The following SMC3 variants were observed in gnomAD, a reference collection of about 807,000 sequenced individuals.
SMC3 encodes the protein structural maintenance of chromosomes protein 3.
Under a neutral mutation model 171.8 loss-of-function variants are expected in SMC3, and 20 were observed. The observed-to-expected ratio is 0.12, with a 90% CI of 0.08 to 0.17. The LOEUF (loss-of-function observed/expected upper bound fraction) is 0.17, where lower values mean the gene tolerates loss of function less well. SMC3 is among the 10% of genes least tolerant of loss of function. The pLI is 1.00. For missense variants in SMC3, 543 were observed against 1,420.4 expected, an observed-to-expected ratio of 0.38 and a Z score of 9.93; for synonymous variants, 464 against 451.1, an observed-to-expected ratio of 1.03 and a Z score of -0.36.
chr10:110,576,800 T>C (rs1174747957), intron 4 of SMC3, among the ~76,000 whole-genome samples: 1 of 152,348 alleles, frequency 6.6e-6, no homozygotes, highest in South Asian at 2.1e-4. Flanking sequence ...TTCTATAATC[T>C]GGAAGGTATC....
At chr10:110,597,777 A>AG (rs1251903182) in intron 19 of SMC3, among the ~76,000 whole-genome samples, 1 of 152,250 alleles carries the variant, frequency 6.6e-6, no homozygotes, top group African/African-American at 2.4e-5. Context: ...CCCTTAACAT[A>AG]GTGCCTTAAG....
At chr10:110,572,693 C>G (rs1454009402) in intron 2 of SMC3, among the ~76,000 whole-genome samples, 1 of 152,114 alleles carries the variant, frequency 6.6e-6, no homozygotes, top group Non-Finnish European at 1.5e-5. Flanking sequence ...ATCTTGTGCT[C>G]CTTTTCAAAC....
At chr10:110,602,713 A>G (rs1447959947) in intron 26 of SMC3, 48 bp downstream of exon 26, 5 of 1,573,626 alleles carry the variant, frequency 3.2e-6, no homozygotes, top group Non-Finnish European at 4.4e-6. Context: ...ACCATAATAG[A>G]ATTTATAGTA....
chr10:110,577,977 T>C (rs1042017386), intron 6 of SMC3, 63 bp downstream of exon 6: 4 of 1,143,330 alleles, frequency 3.5e-6, no homozygotes, highest in East Asian at 4.7e-5. Flanking sequence ...GGGGTATTGC[T>C]GTGTTGGCCA....
chr10:110,567,856 C>A (rs781516667), intron 1 of SMC3, 25 bp downstream of exon 1: 1 of 1,613,140 alleles, frequency 6.2e-7, no homozygotes, highest in Non-Finnish European at 8.5e-7. Context: ...TCCCTCCACC[C>A]CGTCATGGGC....
At chr10:110,575,002 T>A (rs1860926127) in intron 3 of SMC3, among the ~76,000 whole-genome samples, 1 of 152,208 alleles carries the variant, frequency 6.6e-6, no homozygotes, top group African/African-American at 2.4e-5. Context: ...AAAAAGCAAA[T>A]ACAGTGTTAA....
At chr10:110,590,693 TTTCTAA>T in intron 16 of SMC3, 121 bp downstream of exon 16, 1 of 855,846 alleles carries the variant, frequency 1.2e-6, no homozygotes, top group Non-Finnish European at 1.8e-6. Flanking sequence ...GTTCCTTAAC[TTTCTAA>T]TTAAAGAAGT....
At chr10:110,586,839 T>C (rs1454044320) in intron 13 of SMC3, among the ~76,000 whole-genome samples, 4 of 152,146 alleles carry the variant, frequency 2.6e-5, no homozygotes, top group Admixed American at 2.6e-4. Context: ...TGTATTTTAG[T>C]AGAGACAGGG....
chr10:110,594,538 C>T (rs1380328308), intron 18 of SMC3, among the ~76,000 whole-genome samples: 1 of 152,082 alleles, frequency 6.6e-6, no homozygotes, highest in African/African-American at 2.4e-5. Flanking sequence ...TGCTAAATCT[C>T]ATTTTGAGGT....
rs756174835 is a variant in SMC3, at chr10:110,580,866, C to T, written c.430-38C>T. On this transcript the variant is annotated intron_variant, in intron 7 of 28. Coordinates refer to ENST00000361804, the MANE Select transcript of SMC3 (RefSeq NM_005445.4). ...TGGAGTTCTTCTTCTTAAACGGAGG[C>T]TACAGCTATGTAATGATTATTTTTC... 116 of 1,077,210 alleles carry T rather than the reference C, an allele frequency of 1.1e-4. 1 individual carries two copies. The East Asian group carries it at 2.6e-3, about 25-fold the overall frequency. 66.7% of individuals were successfully genotyped at this position (1,077,210 alleles called of 1,614,324 possible).
rs1861414277 is a variant in SMC3 at position 110,603,209 on chromosome 10, T to C, written c.3501T>C (p.His1167=). ...ATATGATTATGGAACTTGCTGTACA[T>C]GCTCAGTTTATTACAACTACTTTTA... is the stretch of plus-strand genomic sequence containing the variant. ...VSDMIMELAV[H]AQFITTTFRP... The change falls in exon 28 of 29, where the codon CAT becomes CAC. Residue 1167 remains histidine, a synonymous_variant. Coordinates refer to ENST00000361804, the MANE Select transcript of SMC3 (RefSeq NM_005445.4). 2 of 1,608,146 alleles carry C rather than the reference T, an allele frequency of 1.2e-6. No homozygotes were observed. Among genetic ancestry groups the C allele is most frequent in the African/African-American group, 2.7e-5 (2 of 74,770 alleles).
rs569406625 is a variant in SMC3 at position 110,600,060 on chromosome 10, G to C, written c.2427+248G>C. Among the ~76,000 whole-genome samples, 3 of 152,280 alleles carry C rather than the reference G, an allele frequency of 2.0e-5. No homozygotes were observed. The East Asian group carries it at 5.8e-4, about 29-fold the overall frequency. On this transcript the variant is annotated intron_variant, in intron 21 of 28. Transcript: ENST00000361804. The stretch of plus-strand genomic sequence containing the variant: ...AATTAGCATTACTTATTAGTTGTAA[G>C]TATTGCTATGAGTTTGAGCTTGTTA...
intron 4 of SMC3, 142 bp from the exon 5 acceptor site, chr10:110,577,279 A>AGT (rs768142217): frequency 1.6e-5 from 11 of 676,660 alleles, no homozygotes; most frequent in Admixed American, 1.4e-4. Context: ...ACGTTAGATT[A>AGT]GTGTGTGTGT....
Position 110,569,001 on chromosome 10 carries a change from C to A in SMC3, c.79C>A (p.His27Asn). ...AATTGTAGATCCCTTCAGTTCAAAA[C>A]ATAATGTGATTGGTAAGTGTTCTTG... ...QTIVDPFSSKHNVIVGRNGSG... is the reference protein window; with the variant it reads ...QTIVDPFSSKNNVIVGRNGSG... The change falls in exon 2 of 29, where the codon CAT (histidine) becomes AAT (asparagine). Residue 27 changes from histidine (H) to asparagine (N), a missense_variant. Transcript: ENST00000361804. The A allele has an allele frequency of 6.3e-7, 1 of 1,599,188 alleles. No homozygotes were observed. The highest frequency in any genetic ancestry group is 8.6e-7 in the Non-Finnish European group (1 of 1,166,546).
At chr10:110,590,296 A>G in intron 15 of SMC3, 116 bp from the exon 16 acceptor site, 1 of 860,274 alleles carries the variant, frequency 1.2e-6, no homozygotes, top group African/African-American at 1.7e-5. Context: ...GTTGGAGAGG[A>G]TGTTTAGTTT....
Position 110,575,323 on chromosome 10 carries a change from T to G in SMC3, c.131-13T>G, listed in dbSNP as rs1229596826. 3 of 1,610,546 alleles carry G rather than the reference T, an allele frequency of 1.9e-6. No individual in the cohort carries two copies. The highest frequency in any genetic ancestry group is 1.7e-5 in the Admixed American group (1 of 60,008). ...TTTTTAGGGTATACTAATAGTTGTT[T>G]TTGTATTTCCAGCAATTCAGTTTGT... On this transcript the variant is annotated splice_polypyrimidine_tract_variant and intron_variant, in intron 3 of 28. Transcript: ENST00000361804.
chr10:110,587,541 C>T (rs1861140767), intron 13 of SMC3, among the ~76,000 whole-genome samples: 4 of 152,050 alleles, frequency 2.6e-5, no homozygotes, highest in Admixed American at 2.6e-4. Flanking sequence ...AAAAAATTAG[C>T]TGGGCGTGGT....
intron 4 of SMC3, among the ~76,000 whole-genome samples, chr10:110,575,673 G>A (rs1420728627): frequency 6.6e-6 from 1 of 152,016 alleles, no homozygotes; most frequent in East Asian, 1.9e-4. Flanking sequence ...AAGGAGACAT[G>A]ATATATATCA....
chr10:110,595,765 ATGT>A (rs1861289943), intron 18 of SMC3, among the ~76,000 whole-genome samples: 1 of 151,776 alleles, frequency 6.6e-6, no homozygotes, highest in African/African-American at 2.4e-5. Context: ...TTAATTCAAT[ATGT>A]TATTACATTG....
Sources: gnomAD v4.1 joint callset for allele counts (sites outside exome capture counted in the v4.1 genomes callset) on GRCh38, gnomAD v4.1.1 for gene constraint, MANE v1.5 for transcripts, NCBI Gene and HGNC (gene_info 2026-07-23, HGNC 2026-07-21) for gene names.